The following EML1 variants were observed in gnomAD, a reference collection of about 807,000 sequenced individuals.
EML1 encodes the protein EMAP like 1.
A neutral mutation model predicts 110.4 loss-of-function variants in EML1; 27 were observed. The observed-to-expected ratio is 0.24, with a 90% CI of 0.18 to 0.34. EML1 has a LOEUF of 0.34. EML1 is among the 10% of genes least tolerant of loss of function. EML1 has a pLI of 1.00. For missense variants in EML1, 741 were observed against 1,030.9 expected, an observed-to-expected ratio of 0.72 and a Z score of 3.85; for synonymous variants, 344 against 385.8, an observed-to-expected ratio of 0.89 and a Z score of 1.27.
At chr14:99,921,647 G>A (rs867359811) in intron 17 of EML1, among the ~76,000 whole-genome samples, 2 of 151,906 alleles carry the variant, frequency 1.3e-5, no homozygotes, top group Non-Finnish European at 2.9e-5. Flanking sequence ...CCCACCACCC[G>A]CCTCCCATAT....
intron 3 of EML1, among the ~76,000 whole-genome samples, chr14:99,877,940 C>G (rs955019347): frequency 3.3e-4 from 50 of 152,344 alleles, no homozygotes; most frequent in African/African-American, 6.7e-4. Flanking sequence ...ACACCACCAT[C>G]TGGACCAAGG....
At chr14:99,762,843 G>A (rs905631915) in intron 1 of EML1, among the ~76,000 whole-genome samples, 2 of 152,116 alleles carry the variant, frequency 1.3e-5, no homozygotes, top group East Asian at 3.8e-4. Flanking sequence ...TGGAGAAACT[G>A]GAACTCACAC....
intron 9 of EML1, among the ~76,000 whole-genome samples, chr14:99,901,410 G>C (rs1339498777): frequency 6.6e-6 from 1 of 152,176 alleles, no homozygotes; most frequent in African/African-American, 2.4e-5. Flanking sequence ...AAGGGGTCCC[G>C]ATCCAGACCC....
chr14:99,754,884 A>G (rs1316339825), intron 1 of EML1, among the ~76,000 whole-genome samples: 7 of 152,164 alleles, frequency 4.6e-5, no homozygotes, highest in African/African-American at 1.4e-4. Flanking sequence ...CCCCCGCCCC[A>G]TGATCCGGAG....
chr14:99,873,796 T>G (rs2059243808), intron 3 of EML1, among the ~76,000 whole-genome samples: 1 of 152,238 alleles, frequency 6.6e-6, no homozygotes, highest in African/African-American at 2.4e-5. Context: ...GTGCGTTATC[T>G]CAGTCTGTCA....
intron 2 of EML1, among the ~76,000 whole-genome samples, chr14:99,857,012 C>G (rs1013877615): frequency 6.6e-6 from 1 of 152,190 alleles, no homozygotes; most frequent in Non-Finnish European, 1.5e-5. Flanking sequence ...TGGCTCATGC[C>G]TGTAATCCCA....
intron 7 of EML1, among the ~76,000 whole-genome samples, chr14:99,897,980 T>C (rs1051679052): frequency 3.3e-5 from 5 of 152,194 alleles, no homozygotes; most frequent in Non-Finnish European, 5.9e-5. Context: ...GAGATTGAAA[T>C]GGTATTTTCC....
intron 1 of EML1, among the ~76,000 whole-genome samples, chr14:99,804,622 G>C (rs1457031732): frequency 6.6e-6 from 1 of 152,148 alleles, no homozygotes; most frequent in East Asian, 1.9e-4. Context: ...GAAAAAAGAT[G>C]GGACAGCTAT....
At chr14:99,860,294 G>T (rs776181663) in intron 2 of EML1, among the ~76,000 whole-genome samples, 33 of 151,964 alleles carry the variant, frequency 2.2e-4, no homozygotes, top group Admixed American at 1.0e-3. Flanking sequence ...ACCCTTTCAT[G>T]AACCAAAAGA....
intron 1 of EML1, among the ~76,000 whole-genome samples, chr14:99,822,200 GT>G (rs202105698): frequency 2.2e-5 from 3 of 139,320 alleles, no homozygotes; most frequent in East Asian, 1.9e-4. Flanking sequence ...TAGGACATAT[GT>G]TTTTTTTTAG....
Position 99,793,487 on chromosome 14 carries a change from G to A in EML1, c.11G>A (p.Gly4Asp). 1 of 1,053,994 alleles carries A rather than the reference G, an allele frequency of 9.5e-7. No homozygotes were observed. The allele number at this position is 1,053,994 out of a possible 1,614,324, so 65.3% of individuals were successfully genotyped here. A position where few individuals can be genotyped will look rare whatever the true frequency, so the allele number is the denominator to read the frequency against. The change falls in exon 1 of 22, where the codon GGC becomes GAC. Residue 4 changes from glycine to aspartate, a missense_variant. Physicochemically the swap from Gly to Asp is moderately conservative, Grantham distance 94. Transcript: ENST00000262233. Reference protein sequence around the residue: MEDGFSSYSSLYDT... With the variant: MEDDFSSYSSLYDT... ...CCCGGCGGCCTCAGCATGGAGGACG[G>A]CTTCTCCAGCTACAGCAGCCTGTAC...
At chr14:99,806,316 C>CTTTTTTTTTTTTT (rs1198890041) in intron 1 of EML1, among the ~76,000 whole-genome samples, 1 of 87,754 alleles carries the variant, frequency 1.1e-5, no homozygotes, top group Admixed American at 1.3e-4. Flanking sequence ...TCTCCAGAAT[C>CTTTTTTTTTTTTT]TTTTTTTTTT....
chr14:99,938,296 C>A (rs1381208528), intron 20 of EML1, among the ~76,000 whole-genome samples: 1 of 152,196 alleles, frequency 6.6e-6, no homozygotes, highest in Non-Finnish European at 1.5e-5. Context: ...ATTTCACTTT[C>A]TTCAACATTC....
Position 99,781,335 on chromosome 14 carries a change from G to T in EML1, c.-27+7322G>T, listed in dbSNP as rs939838119. On this transcript the variant is annotated intron_variant, in intron 1 of 22. Coordinates refer to the EML1 transcript ENST00000327921. This position sits in a 1 kb window ranked among gnomAD's most constrained non-coding sequence, Gnocchi z 4.2. ...AAGGCCCTGCCCTTGCTCATGGGGT[G>T]TGCCTCCCATGCTGTATGGCATCCT... Among the ~76,000 whole-genome samples, 6 of 151,982 alleles carry T rather than the reference G, an allele frequency of 3.9e-5. No homozygotes were observed. The highest frequency in any genetic ancestry group is 7.4e-5 in the Non-Finnish European group (5 of 68,004).
chr14:99,925,192 A>G lies in EML1; in HGVS notation c.1909+4315A>G, dbSNP rs142050691. Among the ~76,000 whole-genome samples, 1,104 of 152,068 alleles carry G rather than the reference A, an allele frequency of 7.3e-3. 10 individuals carry two copies. The highest frequency in any genetic ancestry group is 0.021 in the South Asian group (103 of 4,814). ...GAATGTATGTGAATTTGGTGAAACTACCTGGGCCTTTCTTTGTGGGAAGGT... is the reference window on the plus strand; with the variant it reads ...GAATGTATGTGAATTTGGTGAAACTGCCTGGGCCTTTCTTTGTGGGAAGGT... On this transcript the variant is annotated intron_variant, in intron 17 of 21. Transcript: ENST00000262233.
At chr14:99,916,358 T>G (rs2060034149) in intron 15 of EML1, among the ~76,000 whole-genome samples, 2 of 152,266 alleles carry the variant, frequency 1.3e-5, no homozygotes, top group South Asian at 2.1e-4. Flanking sequence ...TGAGCTTAAT[T>G]ACAGCTCCCA....
rs186244954 is a variant in EML1 at position 99,905,235 on chromosome 14, G to A, written c.1009-2403G>A. Among the ~76,000 whole-genome samples the A allele has an allele frequency of 3.2e-4, 49 of 152,314 alleles. No individual in the cohort carries two copies. The highest frequency in any genetic ancestry group is 1.6e-4 in the Non-Finnish European group (11 of 68,030). ...CTGTCCTGGCCAGAGCAAAATATGT[G>A]TGACAAAACATAGATATTAGCCATT... On this transcript the variant is annotated intron_variant, in intron 9 of 21. Coordinates refer to ENST00000262233, the MANE Select transcript of EML1 (RefSeq NM_004434.3). This position sits in a 1 kb window ranked among gnomAD's most constrained non-coding sequence, Gnocchi z 4.1.
intron 1 of EML1, among the ~76,000 whole-genome samples, chr14:99,847,829 A>G (rs190809800): frequency 1.4e-3 from 217 of 151,584 alleles, no homozygotes; most frequent in African/African-American, 4.8e-3. Flanking sequence ...GCCTTTTTAT[A>G]CTTATTATTT....
rs1018540602 is a variant in EML1 at position 99,939,689 on chromosome 14, G to C, written c.2323-298G>C. ...CTGGAGACCCCTCACCCTCAGCCCC[G>C]GGCATCTGGTTAGGCCCACCTTTGG... On this transcript the variant is annotated intron_variant, in intron 21 of 21. Transcript: ENST00000262233. The surrounding 1 kb of genome is among the most constrained non-coding windows in gnomAD (Gnocchi z 4.2). Among the ~76,000 whole-genome samples, 1 of 152,044 alleles carries C rather than the reference G, an allele frequency of 6.6e-6. No individual in the cohort carries two copies. Among genetic ancestry groups the C allele is most frequent in the African/African-American group, 2.4e-5 (1 of 41,412 alleles).
Sources: gnomAD v4.1 joint callset for allele counts (sites outside exome capture counted in the v4.1 genomes callset) on GRCh38, gnomAD v4.1.1 for gene constraint, Gnocchi (gnomAD v3.1) non-coding constraint, MANE v1.5 for transcripts, NCBI Gene and HGNC (gene_info 2026-07-23, HGNC 2026-07-21) for gene names.